IQCM: variants seen among roughly 807,000 people sequenced by gnomAD.
The protein encoded by IQCM is IQ domain-containing protein M.
In IQCM, 45 loss-of-function variants were observed where a neutral mutation model predicts 57.6. The ratio of observed to expected loss-of-function variants is 0.78; its 90% CI spans 0.62 to 1.00. The LOEUF (loss-of-function observed/expected upper bound fraction) is 1.00, where lower values mean the gene tolerates loss of function less well. IQCM is among the 50% of genes least tolerant of loss of function. The probability of loss-of-function intolerance (pLI) is 0.00; values close to 1 mark genes in which losing one functional copy is unlikely to be tolerated. For missense variants in IQCM, 468 were observed against 511.6 expected, an observed-to-expected ratio of 0.91 and a Z score of 0.82; for synonymous variants, 148 against 158.9, an observed-to-expected ratio of 0.93 and a Z score of 0.51.
intron 7 of IQCM, among the ~76,000 whole-genome samples, chr4:149,668,454 A>G (rs911000062): frequency 6.6e-6 from 1 of 152,102 alleles, no homozygotes; most frequent in Non-Finnish European, 1.5e-5. Context: ...GAAAACTGGT[A>G]CCAGCCACTG....
chr4:149,765,240 A>AG (rs1456210626), intron 2 of IQCM, among the ~76,000 whole-genome samples: 3 of 152,180 alleles, frequency 2.0e-5, no homozygotes, highest in African/African-American at 7.2e-5. Flanking sequence ...GTCTTCACCT[A>AG]GATGAGGTGA....
chr4:149,554,096 T>A (rs561627352), intron 10 of IQCM, among the ~76,000 whole-genome samples: 9 of 152,200 alleles, frequency 5.9e-5, no homozygotes, highest in South Asian at 4.1e-4. Context: ...CTTAATTTTT[T>A]AAATTTTCAT....
chr4:149,695,120 G>A (rs910822572), intron 5 of IQCM, among the ~76,000 whole-genome samples: 5 of 152,156 alleles, frequency 3.3e-5, no homozygotes, highest in African/African-American at 1.2e-4. Flanking sequence ...TCAAGCACAT[G>A]TGTGTTATAT....
rs188431150 is a variant in IQCM at position 149,668,244 on chromosome 4, C to A, written c.565+13874G>T. On this transcript the variant is annotated intron_variant, in intron 7 of 13. Coordinates refer to ENST00000636793, the MANE Select transcript of IQCM (RefSeq NM_001363507.2). ...AGCAGATCTCTCTGCAGAAACCCTA[C>A]GAGCCAGAAGAGAGTGGGGGCCAAT... Among the ~76,000 whole-genome samples the A allele has an allele frequency of 1.4e-4, 22 of 152,270 alleles. 1 individual carries two copies. Among genetic ancestry groups the A allele is most frequent in the African/African-American group, 5.1e-4 (21 of 41,562 alleles).
chr4:149,637,451 G>A (rs1227544837), intron 7 of IQCM, among the ~76,000 whole-genome samples: 1 of 152,112 alleles, frequency 6.6e-6, no homozygotes, highest in Non-Finnish European at 1.5e-5. Context: ...GTTATTCCAT[G>A]TCCCTTCAAT....
intron 13 of IQCM, among the ~76,000 whole-genome samples, chr4:149,430,797 T>A (rs1024394934): frequency 6.6e-6 from 1 of 152,062 alleles, no homozygotes; most frequent in African/African-American, 2.4e-5. Flanking sequence ...TTACAAAAAG[T>A]TTTATGAATA....
At chr4:149,631,550 CTG>C (rs1444148596) in intron 7 of IQCM, among the ~76,000 whole-genome samples, 1 of 152,036 alleles carries the variant, frequency 6.6e-6, no homozygotes, top group Non-Finnish European at 1.5e-5. Flanking sequence ...TACATTATAA[CTG>C]TATTGTAAGA....
intron 2 of IQCM, among the ~76,000 whole-genome samples, chr4:149,746,802 T>C (rs1363964225): frequency 1.3e-5 from 2 of 152,168 alleles, no homozygotes; most frequent in African/African-American, 4.8e-5. Flanking sequence ...TGGCTCCAAA[T>C]CCAAGAAATC....
chr4:149,628,902 A>G (rs183756908), intron 7 of IQCM, among the ~76,000 whole-genome samples: 1 of 152,322 alleles, frequency 6.6e-6, no homozygotes, highest in East Asian at 1.9e-4. Flanking sequence ...CCACCAACAG[A>G]ATTTTCAGGA....
At chr4:149,749,987 C>G (rs2149931171) in intron 2 of IQCM, among the ~76,000 whole-genome samples, 1 of 152,262 alleles carries the variant, frequency 6.6e-6, no homozygotes, top group Non-Finnish European at 1.5e-5. Flanking sequence ...ATTTGAATTC[C>G]TGAAAAGAAG....
chr4:149,367,039 T>C (rs1367160550), intron 13 of IQCM, among the ~76,000 whole-genome samples: 1 of 152,052 alleles, frequency 6.6e-6, no homozygotes, highest in East Asian at 1.9e-4. Context: ...TGCTGAGTGA[T>C]GTACTTATAT....
chr4:149,740,644 A>G (rs761407701), intron 3 of IQCM, among the ~76,000 whole-genome samples: 14 of 151,844 alleles, frequency 9.2e-5, no homozygotes, highest in Non-Finnish European at 1.9e-4. Flanking sequence ...TATGTGCTTC[A>G]TTAATTTCAT....
intron 12 of IQCM, among the ~76,000 whole-genome samples, chr4:149,475,565 C>G (rs1560888241): frequency 6.6e-6 from 1 of 151,836 alleles, no homozygotes; most frequent in Non-Finnish European, 1.5e-5. Context: ...AAGAGATCAC[C>G]ATGGGGGCAG....
intron 13 of IQCM, among the ~76,000 whole-genome samples, chr4:149,406,300 T>A (rs986267021): frequency 1.5e-4 from 23 of 152,074 alleles, no homozygotes; most frequent in Non-Finnish European, 2.2e-4. Flanking sequence ...GGTATAGTAG[T>A]GAGCCCATAA....
At chr4:149,586,185 A>G (rs373898529) in intron 9 of IQCM, among the ~76,000 whole-genome samples, 1 of 151,666 alleles carries the variant, frequency 6.6e-6, no homozygotes, top group African/African-American at 2.4e-5. Context: ...TTTGAACACC[A>G]TCAAATATTT....
At chr4:149,564,877 G>T (rs901109029) in intron 9 of IQCM, among the ~76,000 whole-genome samples, 1 of 152,030 alleles carries the variant, frequency 6.6e-6, no homozygotes, top group African/African-American at 2.4e-5. Context: ...GACCCTAGCA[G>T]CAATTAATAA....
At chr4:149,362,742 T>C (rs1729579595) in intron 13 of IQCM, among the ~76,000 whole-genome samples, 1 of 152,216 alleles carries the variant, frequency 6.6e-6, no homozygotes, top group Non-Finnish European at 1.5e-5. Context: ...GTTATATTTA[T>C]ATAGCAGAGG....
chr4:149,495,217 A>C (rs898234002), intron 12 of IQCM, among the ~76,000 whole-genome samples: 4 of 152,150 alleles, frequency 2.6e-5, no homozygotes, highest in Non-Finnish European at 4.4e-5. Flanking sequence ...CTCTTATGGC[A>C]TGGATATTGT....
At chr4:149,360,833 G>C (rs1164518367) in intron 13 of IQCM, among the ~76,000 whole-genome samples, 1 of 152,192 alleles carries the variant, frequency 6.6e-6, no homozygotes, top group Non-Finnish European at 1.5e-5. Flanking sequence ...TACCAGCAGA[G>C]TGGGGCATTG....
Sources: allele counts gnomAD v4.1 joint callset (sites outside exome capture counted in the v4.1 genomes callset), GRCh38; gene constraint gnomAD v4.1.1; transcripts MANE v1.5; gene names NCBI Gene and HGNC (gene_info 2026-07-23, HGNC 2026-07-21).